Variants in SLC12A6 observed in about 807,000 individuals in gnomAD.
The protein encoded by SLC12A6 is solute carrier family 12 member 6, also known as K-Cl cotransporter 3.
A neutral mutation model predicts 135.3 loss-of-function variants in SLC12A6; 66 were observed. The ratio of observed to expected loss-of-function variants is 0.49; its 90% confidence interval spans 0.40 to 0.60. SLC12A6 has a LOEUF of 0.60. SLC12A6 is among the 20% of genes least tolerant of loss of function. The pLI is 0.00. For synonymous variants in SLC12A6, 513 were observed against 508.8 expected (o/e 1.01, Z -0.11); for missense variants, 1,058 against 1,452.3 (o/e 0.73, Z 4.41).
At chr15:34,238,734 T>C (rs957283727) in intron 20 of SLC12A6, 1 of 614,710 alleles carries the variant, frequency 1.6e-6, no homozygotes, top group African/African-American at 1.8e-5. Context: ...ACACGGCAAT[T>C]TTGGAGATAA....
chr15:34,333,818 C>T (rs1167721043), intron 2 of SLC12A6, among the ~76,000 whole-genome samples: 2 of 151,950 alleles, frequency 1.3e-5, no homozygotes, highest in Admixed American at 6.6e-5. Flanking sequence ...CGCCTGTAAT[C>T]CCAGCACTTT....
At chr15:34,235,805 G>C (rs1447990210) in intron 24 of SLC12A6, among the ~76,000 whole-genome samples, 2 of 152,108 alleles carry the variant, frequency 1.3e-5, no homozygotes, top group Non-Finnish European at 2.9e-5. Context: ...TTTATAGTAA[G>C]AACACAGTAT....
rs2140747077 is a variant in SLC12A6 at position 34,257,771 on chromosome 15, G to A, written c.561C>T (p.Thr187=). 1 of 1,607,440 alleles carries A rather than the reference G, an allele frequency of 6.2e-7. No individual in the cohort carries two copies. Among genetic ancestry groups the A allele is most frequent in the Non-Finnish European group, 8.5e-7 (1 of 1,174,064 alleles). The change falls in exon 6 of 26, where the codon ACC becomes ACT. Residue 187 remains threonine, a synonymous_variant. Coordinates refer to ENST00000354181, the MANE Select transcript of SLC12A6 (RefSeq NM_001365088.1). ...GACATGGGAGGTAGACACCCATGAAGGTACCCATTTGGGGGGTCTAGAAAG... is the reference window on the plus strand; with the variant it reads ...GACATGGGAGGTAGACACCCATGAAAGTACCCATTTGGGGGGTCTAGAAAG... ...KKPTKTPQMG[T]FMGVYLPCLQ...
At position 34,266,507 on chromosome 15, in the gene SLC12A6, T is replaced by A. The variant is rs541005559; in HGVS notation, c.317-5487A>T. On this transcript the variant is annotated intron_variant, in intron 3 of 25. Transcript: ENST00000354181. ...CCCAGGCTGGAGTACAGTGGTGCGA[T>A]CACAGCTCACTGCAGCCTCAGCCTC... 7.9e-5 allele frequency among the ~76,000 whole-genome samples: 12 copies of A among 152,292 alleles called. No individual in the cohort carries two copies. In the South Asian group the frequency reaches 2.5e-3, roughly 32 times the overall value.
chr15:34,234,759 G>C (rs1224394708), intron 25 of SLC12A6, among the ~76,000 whole-genome samples: 1 of 152,146 alleles, frequency 6.6e-6, no homozygotes, highest in Non-Finnish European at 1.5e-5. Context: ...AGGAGTCCTG[G>C]GATGAAGGTA....
At chr15:34,238,803 T>C in intron 20 of SLC12A6, 162 bp downstream of exon 20, 1 of 744,586 alleles carries the variant, frequency 1.3e-6, no homozygotes, top group Non-Finnish European at 2.5e-6. Context: ...CTGAAGGGGG[T>C]AGGTAGAATC....
chr15:34,327,179 A>G lies in SLC12A6; in HGVS notation c.271+9231T>C, dbSNP rs148955249. Reference sequence around the variant, plus strand: ...AAATGAAAAAATACCAAAACTGATCATTTTTCAAAAGGGGAAAGAACTGAC... The same window carrying G: ...AAATGAAAAAATACCAAAACTGATCGTTTTTCAAAAGGGGAAAGAACTGAC... On this transcript the variant is annotated intron_variant, in intron 2 of 25. Coordinates refer to ENST00000354181, the MANE Select transcript of SLC12A6 (RefSeq NM_001365088.1). Among the ~76,000 whole-genome samples, 6 of 152,094 alleles carry G rather than the reference A, an allele frequency of 3.9e-5. No individual in the cohort carries two copies. The East Asian group carries it at 1.2e-3, about 29-fold the overall frequency.
chr15:34,248,326 T>C (rs1020487227), intron 13 of SLC12A6, among the ~76,000 whole-genome samples: 2 of 152,198 alleles, frequency 1.3e-5, no homozygotes, highest in African/African-American at 4.8e-5. Flanking sequence ...TGTGAATTAG[T>C]CTTGATGCAC....
chr15:34,296,262 TAAGAAA>T (rs1230688134), intron 2 of SLC12A6, among the ~76,000 whole-genome samples: 1 of 152,194 alleles, frequency 6.6e-6, no homozygotes, highest in African/African-American at 2.4e-5. Flanking sequence ...CTTAAGAAAC[TAAGAAA>T]GAATGATGGT....
chr15:34,234,518 C>T (rs1891124836), intron 25 of SLC12A6, among the ~76,000 whole-genome samples: 1 of 151,908 alleles, frequency 6.6e-6, no homozygotes, highest in African/African-American at 2.4e-5. Flanking sequence ...ATTACAGGCA[C>T]CTGCTACCAC....
chr15:34,290,946 C>G (rs1304559797), intron 2 of SLC12A6, among the ~76,000 whole-genome samples: 4 of 152,162 alleles, frequency 2.6e-5, no homozygotes, highest in African/African-American at 9.7e-5. Flanking sequence ...ATTTGCCAGT[C>G]TGTGTCTTTT....
At chr15:34,290,413 T>C (rs1056786158) in intron 2 of SLC12A6, among the ~76,000 whole-genome samples, 1 of 152,238 alleles carries the variant, frequency 6.6e-6, no homozygotes, top group Non-Finnish European at 1.5e-5. Context: ...GTGGTCAATT[T>C]TAGAATAAGT....
Position 34,230,292 on chromosome 15 carries a change from A to G in SLC12A6, c.*3589T>C, listed in dbSNP as rs1313219580. On this transcript the variant is annotated 3_prime_UTR_variant, in exon 26 of 26. Coordinates refer to ENST00000354181, the MANE Select transcript of SLC12A6 (RefSeq NM_001365088.1). The stretch of plus-strand genomic sequence containing the variant: ...ATTCAGCTTATACATGATGAAAAGA[A>G]AAACCAGACAAAAGGAGCACATAAA... The G allele has an allele frequency of 1.3e-5, 2 of 155,724 alleles. No homozygotes were observed. The highest frequency in any genetic ancestry group is 2.4e-5 in the African/African-American group (1 of 41,498). 9.6% of individuals were successfully genotyped at this position (155,724 alleles called of 1,614,324 possible).
chr15:34,295,971 G>A (rs1895852717), intron 2 of SLC12A6, among the ~76,000 whole-genome samples: 1 of 152,196 alleles, frequency 6.6e-6, no homozygotes, highest in Non-Finnish European at 1.5e-5. Flanking sequence ...TTGTACTCCA[G>A]CCTGGGTGAC....
intron 2 of SLC12A6, among the ~76,000 whole-genome samples, chr15:34,297,884 C>A (rs1205860208): frequency 6.6e-6 from 1 of 151,996 alleles, no homozygotes; most frequent in African/African-American, 2.4e-5. Flanking sequence ...AACATGAGTA[C>A]AAAAATGCAA....
intron 2 of SLC12A6, among the ~76,000 whole-genome samples, chr15:34,294,874 C>T (rs900999682): frequency 3.3e-5 from 5 of 152,290 alleles, no homozygotes; most frequent in South Asian, 2.1e-4. Context: ...TGTTTAATGA[C>T]CTGCTAAATA....
intron 2 of SLC12A6, among the ~76,000 whole-genome samples, chr15:34,288,571 G>C (rs1595505651): frequency 6.6e-6 from 1 of 152,148 alleles, no homozygotes; most frequent in East Asian, 1.9e-4. Flanking sequence ...AAATCACTTT[G>C]GGCAGTAAGG....
chr15:34,278,910 G>A (rs1244517262), intron 2 of SLC12A6, among the ~76,000 whole-genome samples: 1 of 344 alleles, frequency 2.9e-3, no homozygotes, highest in East Asian at 0.071. Context: ...GTTCAACTTA[G>A]ATTTTTATTT....
At chr15:34,252,093 G>A (rs943951102) in intron 10 of SLC12A6, 77 bp downstream of exon 10, 9 of 745,632 alleles carry the variant, frequency 1.2e-5, no homozygotes, top group Non-Finnish European at 2.2e-5. Context: ...TTTATGGACA[G>A]TAGAGGAATC....
Sources: gnomAD v4.1 joint callset for allele counts (sites outside exome capture counted in the v4.1 genomes callset) on GRCh38, gnomAD v4.1.1 for gene constraint, MANE v1.5 for transcripts, NCBI Gene and HGNC (gene_info 2026-07-23, HGNC 2026-07-21) for gene names.